Variants in ARHGAP19 observed in about 807,000 individuals in gnomAD.
ARHGAP19 encodes Rho GTPase activating protein 19.
A neutral mutation model predicts 60.9 loss-of-function variants in ARHGAP19; 48 were observed. The observed-to-expected ratio is 0.79, with a 90% confidence interval of 0.62 to 1.00. The LOEUF (loss-of-function observed/expected upper bound fraction) is 1.00. Ranked by LOEUF, ARHGAP19 falls within the 50% of genes least tolerant of loss-of-function variation. ARHGAP19 has a pLI of 0.00. For synonymous variants in ARHGAP19, 209 were observed against 215.5 expected (o/e 0.97, Z 0.27); for missense variants, 562 against 597.2 (o/e 0.94, Z 0.61).
chr10:97,225,496 T>A lies in ARHGAP19; in HGVS notation c.*626A>T, dbSNP rs1850879014. ...CTCTGATGTCACACCCAAGAAATAA[T>A]AAAAAATGTCCAGAAAAGCTATAAA... On this transcript the variant is annotated 3_prime_UTR_variant, in exon 12 of 12. Coordinates refer to ENST00000358531, the MANE Select transcript of ARHGAP19 (RefSeq NM_032900.6). 6.6e-6 allele frequency: 1 copy of A among 152,090 alleles called. No homozygotes were observed. Among genetic ancestry groups the A allele is most frequent in the South Asian group, 2.1e-4 (1 of 4,818 alleles). The allele number at this position is 152,090 out of a possible 1,614,324, so 9.4% of individuals were successfully genotyped here.
At chr10:97,254,777 C>T (rs1842731648) in intron 6 of ARHGAP19, among the ~76,000 whole-genome samples, 2 of 151,952 alleles carry the variant, frequency 1.3e-5, no homozygotes, top group African/African-American at 2.4e-5. Context: ...AATATTTGTC[C>T]ATATAGCTGA....
At chr10:97,283,958 G>A (rs1843121367) in intron 1 of ARHGAP19, among the ~76,000 whole-genome samples, 1 of 150,336 alleles carries the variant, frequency 6.7e-6, no homozygotes, top group African/African-American at 2.5e-5. Flanking sequence ...TTTAGAGACA[G>A]GGTCTCACTC....
chr10:97,244,126 T>A lies in ARHGAP19; in HGVS notation c.1027A>T (p.Lys343Ter), dbSNP rs374934512. Residue 343 changes from lysine to a stop codon, truncating the protein, a stop_gained, in exon 8 of 12, where the codon AAG becomes TAG. Coordinates refer to ENST00000358531, the MANE Select transcript of ARHGAP19 (RefSeq NM_032900.6). LOFTEE classifies it high-confidence loss of function. ...DLDLIASCHT[K>*]SFQLAKSQKR... ...TGAGACTTTGCCAGCTGAAAGGACTTAGTATGACATGAAGCTATGAGGTCA... is the reference window on the plus strand; with the variant it reads ...TGAGACTTTGCCAGCTGAAAGGACTAAGTATGACATGAAGCTATGAGGTCA... The A allele has an allele frequency of 6.2e-6, 10 of 1,613,432 alleles. No individual in the cohort carries two copies. Among genetic ancestry groups the A allele is most frequent in the Non-Finnish European group, 8.5e-6 (10 of 1,179,842 alleles).
Position 97,244,137 on chromosome 10 carries a change from G to A in ARHGAP19, c.1016C>T (p.Ser339Leu), listed in dbSNP as rs760750181. The A allele has an allele frequency of 5.0e-6, 8 of 1,612,716 alleles. No homozygotes were observed. In the Admixed American group the frequency reaches 1.3e-4, roughly 27 times the overall value. Reference protein sequence around the residue: ...ASKDDLDLIASCHTKSFQLAK... With the variant: ...ASKDDLDLIALCHTKSFQLAK... The stretch of plus-strand genomic sequence containing the variant: ...CAGCTGAAAGGACTTAGTATGACAT[G>A]AAGCTATGAGGTCAAGGTCATCCTA... The change falls in exon 8 of 12, where the codon TCA (serine) becomes TTA (leucine). Residue 339 changes from serine (S) to leucine (L), a missense_variant. Transcript: ENST00000358531.
intron 9 of ARHGAP19, among the ~76,000 whole-genome samples, chr10:97,232,868 C>A (rs895703616): frequency 3.3e-5 from 5 of 152,066 alleles, no homozygotes; most frequent in Non-Finnish European, 7.4e-5. Context: ...GCAACACAGG[C>A]TGGGCATGGT....
intron 2 of ARHGAP19, chr10:97,265,651 A>G: frequency 1.7e-6 from 1 of 571,768 alleles, no homozygotes; most frequent in Non-Finnish European, 3.0e-6. Flanking sequence ...GGGACTGAAA[A>G]TATTTGCTTT....
In ARHGAP19 at chr10:97,244,134, C is replaced by A. The variant is rs759932262; in HGVS notation, c.1019G>T (p.Cys340Phe). 1.9e-6 allele frequency: 3 copies of A among 1,612,544 alleles called. No homozygotes were observed. The highest frequency in any genetic ancestry group is 1.7e-6 in the Non-Finnish European group (2 of 1,179,514). Residue 340 changes from cysteine to phenylalanine, a missense_variant, in exon 8 of 12, where the codon TGT (cysteine) becomes TTT (phenylalanine). Coordinates refer to ENST00000358531, the MANE Select transcript of ARHGAP19 (RefSeq NM_032900.6). ...TGCCAGCTGAAAGGACTTAGTATGA[C>A]ATGAAGCTATGAGGTCAAGGTCATC... ...SKDDLDLIASCHTKSFQLAKS... is the reference protein window; with the variant it reads ...SKDDLDLIASFHTKSFQLAKS...
chr10:97,273,006 A>G (rs1041254762), intron 1 of ARHGAP19, among the ~76,000 whole-genome samples: 68 of 151,582 alleles, frequency 4.5e-4, no homozygotes, highest in African/African-American at 1.6e-3. Context: ...ACGCCTGGCT[A>G]ATTTTTTGTA....
At chr10:97,290,290 C>A (rs1053035312) in intron 1 of ARHGAP19, among the ~76,000 whole-genome samples, 1 of 152,062 alleles carries the variant, frequency 6.6e-6, no homozygotes, top group African/African-American at 2.4e-5. Context: ...ACTCCCATCC[C>A]TCCGGATCTG....
intron 6 of ARHGAP19, among the ~76,000 whole-genome samples, chr10:97,252,807 G>A (rs961665553): frequency 1.3e-5 from 2 of 152,226 alleles, no homozygotes; most frequent in Non-Finnish European, 2.9e-5. Flanking sequence ...TACTGGGTAT[G>A]TATTCAAAGG....
At chr10:97,252,542 T>C (rs1842699685) in intron 6 of ARHGAP19, among the ~76,000 whole-genome samples, 1 of 150,312 alleles carries the variant, frequency 6.7e-6, no homozygotes, top group Non-Finnish European at 1.5e-5. Flanking sequence ...GAGAATGGCA[T>C]GAACCTGGGA....
intron 7 of ARHGAP19, 65 bp downstream of exon 7, chr10:97,246,207 G>GA: frequency 7.6e-7 from 1 of 1,322,408 alleles, no homozygotes. Context: ...TTCATACTTT[G>GA]TTTTAAGACT....
chr10:97,244,885 CT>C (rs529762498), intron 7 of ARHGAP19, among the ~76,000 whole-genome samples: 2,812 of 131,610 alleles, frequency 0.021, 57 homozygotes, highest in African/African-American at 0.058. Context: ...TAACTTCTCA[CT>C]TTTTTTTTTT....
rs142111578 is a variant in ARHGAP19 at position 97,231,979 on chromosome 10, GTTTTTTTTT to G, written c.1285-2114_1285-2106del. ...TCATCAACATTTGTTATTTTCCGTT[GTTTTTTTTT>G]TTTTTTTTTTAATAATAGTCATCCT... On this transcript the variant is annotated intron_variant, in intron 9 of 11. Coordinates refer to ENST00000358531, the MANE Select transcript of ARHGAP19 (RefSeq NM_032900.6). Among the ~76,000 whole-genome samples the G allele has an allele frequency of 3.2e-3, 344 of 107,860 alleles. 2 individuals are homozygous for G. Among genetic ancestry groups the G allele is most frequent in the African/African-American group, 0.01 (313 of 30,598 alleles). 70.8% of individuals were successfully genotyped at this position (107,860 alleles called of 152,430 possible).
At chr10:97,262,061 G>A (rs904828067) in intron 4 of ARHGAP19, among the ~76,000 whole-genome samples, 7 of 152,018 alleles carry the variant, frequency 4.6e-5, no homozygotes, top group African/African-American at 1.7e-4. Context: ...TTAGAAATCA[G>A]TAACACTGGT....
intron 6 of ARHGAP19, among the ~76,000 whole-genome samples, chr10:97,248,775 A>G (rs1005699147): frequency 1.3e-5 from 2 of 152,190 alleles, no homozygotes; most frequent in African/African-American, 4.8e-5. Context: ...CCGGTTAACA[A>G]GGGCTATCAC....
chr10:97,278,531 A>C (rs145349745), intron 1 of ARHGAP19, among the ~76,000 whole-genome samples: 1 of 152,228 alleles, frequency 6.6e-6, no homozygotes. Context: ...AGAATTGAGA[A>C]GAGTGTGCCA....
chr10:97,229,733 C>G (rs775358271), intron 10 of ARHGAP19, 31 bp downstream of exon 10: 57 of 1,469,566 alleles, frequency 3.9e-5, no homozygotes, highest in Non-Finnish European at 6.6e-6. Context: ...TATATACAGA[C>G]AGACAGACAG....
At chr10:97,241,036 G>A (rs1385217833) in intron 8 of ARHGAP19, among the ~76,000 whole-genome samples, 1 of 152,168 alleles carries the variant, frequency 6.6e-6, no homozygotes, top group African/African-American at 2.4e-5. Flanking sequence ...AAAAGATACA[G>A]CAGGCTGGGT....
Sources: allele counts gnomAD v4.1 joint callset (sites outside exome capture counted in the v4.1 genomes callset), GRCh38; gene constraint gnomAD v4.1.1; transcripts MANE v1.5; gene names NCBI Gene and HGNC (gene_info 2026-07-23, HGNC 2026-07-21).